The following NPAS3 variants were observed in gnomAD, a reference collection of about 807,000 sequenced individuals.
NPAS3 encodes neuronal PAS domain-containing protein 3.
A neutral mutation model predicts 73.1 loss-of-function variants in NPAS3; 14 were observed. The ratio of observed to expected loss-of-function variants is 0.19; its 90% CI spans 0.13 to 0.30. NPAS3 has a LOEUF of 0.30. NPAS3 is among the 10% of genes least tolerant of loss of function. The pLI is 1.00. For missense variants in NPAS3, 1,096 were observed against 1,250.0 expected, an observed-to-expected ratio of 0.88 and a Z score of 1.86; for synonymous variants, 620 against 541.5, an observed-to-expected ratio of 1.14 and a Z score of -2.01.
intron 6 of NPAS3, among the ~76,000 whole-genome samples, chr14:33,713,514 G>A (rs2060878457): frequency 2.0e-5 from 3 of 152,252 alleles, no homozygotes; most frequent in Non-Finnish European, 4.4e-5. Context: ...CAGTGCCTAT[G>A]CAGTCACCTT....
intron 2 of NPAS3, among the ~76,000 whole-genome samples, chr14:33,202,281 G>C (rs199721045): frequency 6.6e-6 from 1 of 152,004 alleles, no homozygotes; most frequent in Non-Finnish European, 1.5e-5. Context: ...TGCACACCTA[G>C]AGTCCCAGCT....
chr14:33,493,874 A>G (rs1264103393), intron 4 of NPAS3, among the ~76,000 whole-genome samples: 1 of 152,164 alleles, frequency 6.6e-6, no homozygotes, highest in Admixed American at 6.5e-5. Flanking sequence ...ATCTAGGCAC[A>G]TAGTCTTTAG....
chr14:33,704,390 T>C (rs2060603697), intron 6 of NPAS3, among the ~76,000 whole-genome samples: 1 of 152,230 alleles, frequency 6.6e-6, no homozygotes, highest in Non-Finnish European at 1.5e-5. Flanking sequence ...AGTACATCAC[T>C]CTCAGAATTT....
intron 3 of NPAS3, among the ~76,000 whole-genome samples, chr14:33,344,868 G>T (rs1193852537): frequency 6.6e-6 from 1 of 152,184 alleles, no homozygotes; most frequent in Non-Finnish European, 1.5e-5. Context: ...AAGGAGAGAA[G>T]GAAGTCACAG....
intron 1 of NPAS3, among the ~76,000 whole-genome samples, chr14:33,015,502 C>A (rs1014749013): frequency 1.3e-5 from 2 of 152,046 alleles, no homozygotes; most frequent in African/African-American, 4.8e-5. Context: ...AGGTTTTAAG[C>A]AGAAAACTAA....
At chr14:33,451,882 C>G (rs182681431) in intron 4 of NPAS3, among the ~76,000 whole-genome samples, 16 of 152,276 alleles carry the variant, frequency 1.1e-4, no homozygotes, top group African/African-American at 3.6e-4. Context: ...AAAGACTGTT[C>G]TGAGTATCCA....
At chr14:33,635,334 T>A (rs1450099240) in intron 5 of NPAS3, among the ~76,000 whole-genome samples, 1 of 152,080 alleles carries the variant, frequency 6.6e-6, no homozygotes, top group East Asian at 1.9e-4. Context: ...GAGTTGTCGA[T>A]GGAATTGGAT....
At chr14:33,561,308 T>C (rs1167389450) in intron 5 of NPAS3, among the ~76,000 whole-genome samples, 2 of 152,138 alleles carry the variant, frequency 1.3e-5, no homozygotes, top group Admixed American at 6.5e-5. Flanking sequence ...AAGAAAGACA[T>C]TGGAAAATAA....
At chr14:33,454,762 C>T (rs887458359) in intron 4 of NPAS3, among the ~76,000 whole-genome samples, 4 of 152,194 alleles carry the variant, frequency 2.6e-5, no homozygotes, top group African/African-American at 7.2e-5. Context: ...ATTACTGATT[C>T]TGCCTTAGGA....
intron 4 of NPAS3, among the ~76,000 whole-genome samples, chr14:33,454,358 T>G (rs2049932644): frequency 6.6e-6 from 1 of 152,136 alleles, no homozygotes; most frequent in Non-Finnish European, 1.5e-5. Flanking sequence ...AGGAAGTAAT[T>G]TGCTTTTAAA....
intron 3 of NPAS3, among the ~76,000 whole-genome samples, chr14:33,338,642 AAG>A (rs2044336647): frequency 6.6e-6 from 1 of 152,184 alleles, no homozygotes; most frequent in Admixed American, 6.6e-5. Context: ...TCTGCGTAGT[AAG>A]ATAATTCTTA....
chr14:33,146,671 T>C (rs566765494), intron 2 of NPAS3, among the ~76,000 whole-genome samples: 1 of 152,348 alleles, frequency 6.6e-6, no homozygotes, highest in East Asian at 1.9e-4. Context: ...GTTTATCTTA[T>C]TCACCTTTGC....
chr14:33,735,231 A>C, exon 7 of NPAS3: 2 of 1,613,370 alleles, frequency 1.2e-6, no homozygotes, highest in Non-Finnish European at 1.7e-6. Context: ...AACCAGCCCC[A>C]GTCTGCTAAC....
chr14:32,962,441 G>T (rs545934953), intron 1 of NPAS3, among the ~76,000 whole-genome samples: 1 of 151,912 alleles, frequency 6.6e-6, no homozygotes, highest in Non-Finnish European at 1.5e-5. Flanking sequence ...AAATGGTAGC[G>T]TATTAAATGC....
chr14:33,292,577 G>C (rs2042144252), intron 3 of NPAS3, among the ~76,000 whole-genome samples: 1 of 151,914 alleles, frequency 6.6e-6, no homozygotes, highest in Non-Finnish European at 1.5e-5. Flanking sequence ...ATTTACAGAA[G>C]GAAAAGATTG....
chr14:33,033,266 G>A (rs768428403), intron 1 of NPAS3, among the ~76,000 whole-genome samples: 7 of 152,036 alleles, frequency 4.6e-5, no homozygotes, highest in East Asian at 1.9e-4. Context: ...ATCACTTGAC[G>A]TCAGGAGTTC....
chr14:33,167,274 G>C (rs931838344), intron 2 of NPAS3, among the ~76,000 whole-genome samples: 2 of 152,094 alleles, frequency 1.3e-5, no homozygotes, highest in African/African-American at 4.8e-5. Flanking sequence ...CTCTCTCAAA[G>C]TGTATGCAAA....
intron 3 of NPAS3, among the ~76,000 whole-genome samples, chr14:33,340,149 A>C (rs550662011): frequency 6.6e-6 from 1 of 152,206 alleles, no homozygotes; most frequent in Non-Finnish European, 1.5e-5. Context: ...TTATATCAGA[A>C]TAGTTTTTGG....
chr14:33,757,798 G>A (rs754258155), intron 7 of NPAS3, among the ~76,000 whole-genome samples: 11 of 152,160 alleles, frequency 7.2e-5, no homozygotes, highest in Non-Finnish European at 1.5e-4. Flanking sequence ...AATAAAGAGT[G>A]GTCCAAGGTT....
Sources: allele counts gnomAD v4.1 joint callset (sites outside exome capture counted in the v4.1 genomes callset), GRCh38; gene constraint gnomAD v4.1.1; transcripts MANE v1.5; gene names NCBI Gene and HGNC (gene_info 2026-07-23, HGNC 2026-07-21).